Variants in AGAP1 observed in about 807,000 individuals in gnomAD.
AGAP1 encodes the protein arf-GAP with GTPase, ANK repeat and PH domain-containing protein 1.
Under a neutral mutation model 105.3 loss-of-function variants are expected in AGAP1, and 29 were observed. The ratio of observed to expected loss-of-function variants is 0.28; its 90% CI spans 0.21 to 0.38. The LOEUF (loss-of-function observed/expected upper bound fraction) is 0.38. Among genes scored for constraint, AGAP1 ranks in the 10% least tolerant of loss-of-function variants. The probability of loss-of-function intolerance (pLI) is 1.00; values close to 1 mark genes in which losing one functional copy is unlikely to be tolerated. For synonymous variants in AGAP1, 509 were observed against 485.9 expected (o/e 1.05, Z -0.63); for missense variants, 998 against 1,165.1 (o/e 0.86, Z 2.09).
At position 235,535,378 on chromosome 2, in the gene AGAP1, G is replaced by A. The variant is rs372404694; in HGVS notation, c.163+40529G>A. On this transcript the variant is annotated intron_variant, in intron 1 of 17. Coordinates refer to ENST00000304032, the MANE Select transcript of AGAP1 (RefSeq NM_001037131.3). This position sits in a 1 kb window ranked among gnomAD's most constrained non-coding sequence, Gnocchi z 5.1. ...TTTATTGAAGAGGGTGTGAGGTCGC[G>A]GCGCCTGACCCTCATTATGTCAGTT... Among the ~76,000 whole-genome samples the A allele has an allele frequency of 4.6e-5, 7 of 152,192 alleles. No individual in the cohort carries two copies. Among genetic ancestry groups the A allele is most frequent in the African/African-American group, 1.4e-4 (6 of 41,528 alleles).
At position 235,811,677 on chromosome 2, in the gene AGAP1, C is replaced by T. The variant is rs181320255; in HGVS notation, c.1050+4346C>T. On this transcript the variant is annotated intron_variant, in intron 9 of 17. Coordinates refer to ENST00000304032, the MANE Select transcript of AGAP1 (RefSeq NM_001037131.3). ...GAAAGTGTGCGGGGCATGCTCTGTA[C>T]CTCAGGCCATGGGGACGACCGCTCC... Among the ~76,000 whole-genome samples, 14 of 152,304 alleles carry T rather than the reference C, an allele frequency of 9.2e-5. No homozygotes were observed. The East Asian group carries it at 2.5e-3, about 27-fold the overall frequency.
chr2:235,873,011 G>A (rs534103664), intron 9 of AGAP1, among the ~76,000 whole-genome samples: 3 of 152,280 alleles, frequency 2.0e-5, no homozygotes, highest in South Asian at 4.2e-4. Context: ...GCCCCAGGAG[G>A]GCAGAGGACC....
intron 6 of AGAP1, among the ~76,000 whole-genome samples, chr2:235,771,004 C>T (rs1455942456): frequency 2.0e-5 from 3 of 152,160 alleles, no homozygotes; most frequent in African/African-American, 4.8e-5. Flanking sequence ...GAAGGGTCCA[C>T]GTGGAGCAGA....
Position 235,721,159 on chromosome 2 carries a change from C to G in AGAP1, c.310+3515C>G, listed in dbSNP as rs986047710. ...AGTAGCTGGGATTACAGGCACCCCCCACCGCGCCCGGATAATTTTTGTATT... is the reference window on the plus strand; with the variant it reads ...AGTAGCTGGGATTACAGGCACCCCCGACCGCGCCCGGATAATTTTTGTATT... On this transcript the variant is annotated intron_variant, in intron 3 of 17. Coordinates refer to ENST00000304032, the MANE Select transcript of AGAP1 (RefSeq NM_001037131.3). The surrounding 1 kb of genome is among the most constrained non-coding windows in gnomAD (Gnocchi z 4.5). Among the ~76,000 whole-genome samples the G allele has an allele frequency of 2.1e-4, 32 of 152,098 alleles. No homozygotes were observed. Among genetic ancestry groups the G allele is most frequent in the African/African-American group, 7.2e-4 (30 of 41,412 alleles).
At chr2:236,064,590 C>T (rs970667835) in intron 16 of AGAP1, among the ~76,000 whole-genome samples, 4 of 152,066 alleles carry the variant, frequency 2.6e-5, no homozygotes, top group East Asian at 1.9e-4. Flanking sequence ...AGCGGGACTC[C>T]GTCTTAAAAC....
At position 236,120,114 on chromosome 2, in the gene AGAP1, C is replaced by G. The variant is rs1424970327; in HGVS notation, c.2115-78C>G. 1.3e-6 allele frequency: 2 copies of G among 1,538,364 alleles called. No homozygotes were observed. The highest frequency in any genetic ancestry group is 1.8e-6 in the Non-Finnish European group (2 of 1,142,710). On this transcript the variant is annotated intron_variant, in intron 16 of 17. Transcript: ENST00000304032. The surrounding 1 kb of genome is among the most constrained non-coding windows in gnomAD (Gnocchi z 6.0). ...ATTTCACTTCCCTCTCGGCTTCTCC[C>G]GACCACACTGGGCAGGGGCTGGCAG...
chr2:235,995,932 G>A (rs1335862517), intron 13 of AGAP1, among the ~76,000 whole-genome samples: 1 of 152,128 alleles, frequency 6.6e-6, no homozygotes, highest in East Asian at 1.9e-4. Flanking sequence ...TGTGCAGTAG[G>A]TCTGGAGGTC....
chr2:235,770,711 G>GA (rs200873566), intron 6 of AGAP1, among the ~76,000 whole-genome samples: 2,538 of 86,494 alleles, frequency 0.029, 72 homozygotes, highest in African/African-American at 0.084. Flanking sequence ...TGGATTTTGA[G>GA]AAAAAAATTG....
intron 1 of AGAP1, among the ~76,000 whole-genome samples, chr2:235,603,253 T>C (rs1945797408): frequency 6.6e-6 from 1 of 152,188 alleles, no homozygotes; most frequent in East Asian, 1.9e-4. Context: ...AAGATGTGCC[T>C]TTCACCTTCT....
rs2049105528 is a variant in AGAP1, at chr2:235,865,289, C to T, written c.1051-18056C>T. Among the ~76,000 whole-genome samples the T allele has an allele frequency of 6.6e-6, 1 of 152,176 alleles. No homozygotes were observed. Among genetic ancestry groups the T allele is most frequent in the Admixed American group, 6.5e-5 (1 of 15,272 alleles). ...TGAAGCCTGTGCTGTGCGATTTTCT[C>T]AGCAGTGAGGTAGGAATAGACGCGG... is the stretch of plus-strand genomic sequence containing the variant. On this transcript the variant is annotated intron_variant, in intron 9 of 17. Coordinates refer to ENST00000304032, the MANE Select transcript of AGAP1 (RefSeq NM_001037131.3). This position sits in a 1 kb window ranked among gnomAD's most constrained non-coding sequence, Gnocchi z 6.2.
At chr2:236,018,808 G>A (rs573831678) in intron 13 of AGAP1, among the ~76,000 whole-genome samples, 8 of 152,302 alleles carry the variant, frequency 5.3e-5, no homozygotes, top group South Asian at 4.1e-4. Context: ...TTTAGAGCTC[G>A]CCCCAGCAAC....
At chr2:235,546,552 G>A (rs1943627338) in intron 1 of AGAP1, among the ~76,000 whole-genome samples, 1 of 152,166 alleles carries the variant, frequency 6.6e-6, no homozygotes, top group Non-Finnish European at 1.5e-5. Context: ...GCCCTTCCAA[G>A]GTGAATGGTG....
intron 1 of AGAP1, among the ~76,000 whole-genome samples, chr2:235,628,002 C>G (rs1424550124): frequency 2.0e-5 from 3 of 152,040 alleles, no homozygotes; most frequent in African/African-American, 4.8e-5. Flanking sequence ...TGGGACAGTG[C>G]CCTTGACTGA....
intron 2 of AGAP1, among the ~76,000 whole-genome samples, chr2:235,710,597 T>A (rs1484313933): frequency 6.6e-6 from 1 of 152,220 alleles, no homozygotes; most frequent in Non-Finnish European, 1.5e-5. Flanking sequence ...CTCAGAAGCC[T>A]GGGGTTCCGC....
At chr2:235,928,778 G>C (rs1373192310) in intron 11 of AGAP1, among the ~76,000 whole-genome samples, 1 of 152,206 alleles carries the variant, frequency 6.6e-6, no homozygotes, top group Non-Finnish European at 1.5e-5. Flanking sequence ...GACAGCCACA[G>C]GGTGGCTTCG....
chr2:235,826,609 C>G (rs982967657), intron 9 of AGAP1, among the ~76,000 whole-genome samples: 2 of 152,076 alleles, frequency 1.3e-5, no homozygotes, highest in African/African-American at 2.4e-5. Context: ...GCCACCACAC[C>G]CAGCTAATTT....
At chr2:235,822,624 A>T (rs928901041) in intron 9 of AGAP1, among the ~76,000 whole-genome samples, 1 of 152,156 alleles carries the variant, frequency 6.6e-6, no homozygotes, top group East Asian at 1.9e-4. Flanking sequence ...AAGCTGAAGA[A>T]GCTCAGTGGT....
At chr2:235,928,818 G>A (rs1463362009) in intron 11 of AGAP1, among the ~76,000 whole-genome samples, 1 of 152,202 alleles carries the variant, frequency 6.6e-6, no homozygotes, top group Non-Finnish European at 1.5e-5. Context: ...ACAGGGAGGA[G>A]CATGAGTGCT....
At chr2:235,771,234 T>C (rs1222688472) in intron 6 of AGAP1, among the ~76,000 whole-genome samples, 1 of 152,164 alleles carries the variant, frequency 6.6e-6, no homozygotes, top group Non-Finnish European at 1.5e-5. Flanking sequence ...TGGGAACTTG[T>C]TAGAGCAGCT....
Sources: allele counts gnomAD v4.1 joint callset (sites outside exome capture counted in the v4.1 genomes callset), GRCh38; gene constraint gnomAD v4.1.1; non-coding constraint Gnocchi (gnomAD v3.1); transcripts MANE v1.5; gene names NCBI Gene and HGNC (gene_info 2026-07-23, HGNC 2026-07-21).